Variants in MAPK10 observed in about 807,000 individuals in gnomAD.
MAPK10 encodes JNK3 alpha protein kinase.
Under a neutral mutation model 59.3 loss-of-function variants are expected in MAPK10, and 25 were observed. The observed-to-expected ratio is 0.42, with a 90% CI of 0.31 to 0.59. The LOEUF is 0.59. MAPK10 is among the 20% of genes least tolerant of loss of function. MAPK10 has a pLI of 0.15. For missense variants in MAPK10, 351 were observed against 568.9 expected, an observed-to-expected ratio of 0.62 and a Z score of 3.90; for synonymous variants, 190 against 200.5, an observed-to-expected ratio of 0.95 and a Z score of 0.44.
chr4:86,509,441 C>T (rs572032984), intron 1 of MAPK10, among the ~76,000 whole-genome samples: 39 of 149,348 alleles, frequency 2.6e-4, no homozygotes, highest in East Asian at 5.8e-4. Flanking sequence ...GTCTGTTACA[C>T]GGGGGCCAGA....
intron 4 of MAPK10, among the ~76,000 whole-genome samples, chr4:86,136,743 T>A (rs1171642822): frequency 6.6e-6 from 1 of 151,374 alleles, no homozygotes; most frequent in African/African-American, 2.5e-5. Flanking sequence ...GACTGGCAAA[T>A]TGGATAAAGA....
intron 2 of MAPK10, among the ~76,000 whole-genome samples, chr4:86,281,565 C>G (rs1281713266): frequency 6.6e-6 from 1 of 151,620 alleles, no homozygotes; most frequent in Admixed American, 6.6e-5. Flanking sequence ...CTTAGAAGAG[C>G]AGTGTCCTTA....
chr4:86,467,026 G>T (rs906256248), intron 1 of MAPK10, among the ~76,000 whole-genome samples: 1 of 152,230 alleles, frequency 6.6e-6, no homozygotes, highest in African/African-American at 2.4e-5. Context: ...AACAGAGCCT[G>T]TCAACCCATG....
At chr4:86,456,403 C>G (rs1456172483), upstream of MAPK10, among the ~76,000 whole-genome samples, 1 of 151,942 alleles carries the variant, frequency 6.6e-6, no homozygotes, top group Non-Finnish European at 1.5e-5. Context: ...GATTGATAGA[C>G]CATTAGCAAG....
intron 4 of MAPK10, among the ~76,000 whole-genome samples, chr4:86,143,973 G>A (rs1418011112): frequency 6.6e-6 from 1 of 152,144 alleles, no homozygotes; most frequent in Non-Finnish European, 1.5e-5. Context: ...GAGAATAAGG[G>A]TGAAAACAGC....
chr4:86,509,071 T>C (rs1756009634), intron 1 of MAPK10, among the ~76,000 whole-genome samples: 1 of 152,188 alleles, frequency 6.6e-6, no homozygotes, highest in South Asian at 2.1e-4. Context: ...ATCTGTTAAC[T>C]TTTTCATTTG....
chr4:86,019,883 A>G (rs777866517), intron 13 of MAPK10, among the ~76,000 whole-genome samples: 1 of 152,196 alleles, frequency 6.6e-6, no homozygotes, highest in African/African-American at 2.4e-5. Context: ...CTACAGCTTA[A>G]TTTAGTTTTG....
At chr4:86,102,239 T>C (rs1561709904) in intron 6 of MAPK10, 5 of 462,832 alleles carry the variant, frequency 1.1e-5, no homozygotes, top group Non-Finnish European at 1.9e-5. Flanking sequence ...AAGCATTTAT[T>C]AATGTCTGGT....
intron 5 of MAPK10, chr4:86,106,664 C>G (rs927837189): frequency 6.6e-6 from 1 of 151,730 alleles, no homozygotes; most frequent in African/African-American, 2.4e-5. Context: ...AGCTCTTGAT[C>G]CTATTCTCAA....
intron 2 of MAPK10, among the ~76,000 whole-genome samples, chr4:86,331,374 C>G (rs903410363): frequency 1.3e-5 from 2 of 152,052 alleles, no homozygotes; most frequent in Non-Finnish European, 2.9e-5. Context: ...AACATAGGAC[C>G]AGCTTGGTTA....
upstream of MAPK10, among the ~76,000 whole-genome samples, chr4:86,364,178 G>T (rs922225545): frequency 1.1e-4 from 16 of 152,040 alleles, no homozygotes; most frequent in Admixed American, 5.9e-4. Context: ...CCAGGCTGGA[G>T]TGCAGTGGTG....
At chr4:86,161,119 G>A (rs2069485146) in intron 3 of MAPK10, among the ~76,000 whole-genome samples, 1 of 151,958 alleles carries the variant, frequency 6.6e-6, no homozygotes, top group Admixed American at 6.6e-5. Flanking sequence ...AGATTGCATC[G>A]GATATGGTGG....
At chr4:86,583,623 G>T (rs1762458632) in intron 1 of MAPK10, among the ~76,000 whole-genome samples, 1 of 152,176 alleles carries the variant, frequency 6.6e-6, no homozygotes, top group African/African-American at 2.4e-5. Flanking sequence ...AGTGATCCTG[G>T]ATTGGATATT....
At chr4:86,503,512 A>C (rs566193344) in intron 1 of MAPK10, among the ~76,000 whole-genome samples, 2 of 152,190 alleles carry the variant, frequency 1.3e-5, no homozygotes, top group African/African-American at 4.8e-5. Flanking sequence ...ATTACCTAAC[A>C]AATTGAGTGC....
intron 11 of MAPK10, among the ~76,000 whole-genome samples, chr4:86,058,068 C>G (rs1441179785): frequency 6.7e-6 from 1 of 149,634 alleles, no homozygotes; most frequent in African/African-American, 2.5e-5. Flanking sequence ...ACGCTTCTGC[C>G]AAGACTATCA....
At chr4:86,445,088 T>C (rs535415639) in intron 1 of MAPK10, among the ~76,000 whole-genome samples, 3 of 152,312 alleles carry the variant, frequency 2.0e-5, no homozygotes, top group Admixed American at 2.0e-4. Context: ...CAAAGGAATA[T>C]AAATCATTCA....
At chr4:86,216,548 A>AACTTCT (rs1186448850) in intron 2 of MAPK10, among the ~76,000 whole-genome samples, 1 of 151,784 alleles carries the variant, frequency 6.6e-6, no homozygotes, top group East Asian at 1.9e-4. Flanking sequence ...CATACCTAAG[A>AACTTCT]ACTTCTACTA....
chr4:86,070,393 TTC>T (rs952792385), intron 9 of MAPK10, among the ~76,000 whole-genome samples: 7 of 152,100 alleles, frequency 4.6e-5, no homozygotes, highest in African/African-American at 1.7e-4. Context: ...TTTTTTCTTT[TTC>T]TTTTTTTTAT....
chr4:86,114,875 A>G (rs1231068285), intron 4 of MAPK10, among the ~76,000 whole-genome samples: 3 of 152,186 alleles, frequency 2.0e-5, no homozygotes, highest in Non-Finnish European at 4.4e-5. Flanking sequence ...AGATGCTACA[A>G]TTTCTGCAGG....
Sources: allele counts gnomAD v4.1 joint callset (sites outside exome capture counted in the v4.1 genomes callset), GRCh38; gene constraint gnomAD v4.1.1; transcripts MANE v1.5; gene names NCBI Gene and HGNC (gene_info 2026-07-23, HGNC 2026-07-21).